VTI1A: variants seen among roughly 807,000 people sequenced by gnomAD.
VTI1A encodes the protein vesicle transport through interaction with t-SNAREs homolog 1A.
VTI1A carries 22 observed loss-of-function variants against 34.9 expected under a neutral mutation model. The observed-to-expected ratio is 0.63, with a 90% CI of 0.45 to 0.90. VTI1A has a LOEUF of 0.90. VTI1A is among the 40% of genes least tolerant of loss of function. VTI1A has a pLI of 0.00. For synonymous variants in VTI1A, 87 were observed against 97.3 expected, an observed-to-expected ratio of 0.89 and a Z score of 0.62; for missense variants, 268 against 275.6, an observed-to-expected ratio of 0.97 and a Z score of 0.20.
intron 7 of VTI1A, among the ~76,000 whole-genome samples, chr10:112,736,130 TATATATATGTAA>T (rs1850458443): frequency 6.9e-6 from 1 of 145,606 alleles, no homozygotes; most frequent in Non-Finnish European, 1.5e-5. Flanking sequence ...TATATATATA[TATATATATGTAA>T]ATGTATAACT....
the VTI1A span, among the ~76,000 whole-genome samples, chr10:112,833,152 T>C: frequency 4.6e-5 from 7 of 152,120 alleles, no homozygotes; most frequent in Admixed American, 6.6e-5. Context: ...CCCATGCTCC[T>C]GACAGACATT....
chr10:112,852,060 C>A, the VTI1A span, among the ~76,000 whole-genome samples: 2 of 152,020 alleles, frequency 1.3e-5, no homozygotes, highest in African/African-American at 2.4e-5. Context: ...CCTTAGCTAC[C>A]AGGAAGCTCT....
At chr10:112,568,271 C>T (rs1283951584) in intron 5 of VTI1A, among the ~76,000 whole-genome samples, 2 of 152,172 alleles carry the variant, frequency 1.3e-5, no homozygotes, top group African/African-American at 4.8e-5. Context: ...CTTTGAGAGG[C>T]CGAGGTGGGC....
rs768545031 is a variant in VTI1A at position 112,748,121 on chromosome 10, C to G, written c.561-67169C>G. Among the ~76,000 whole-genome samples, 64 of 152,222 alleles carry G rather than the reference C, an allele frequency of 4.2e-4. No individual in the cohort carries two copies. The Middle Eastern group carries it at 0.017, about 40-fold the overall frequency. On this transcript the variant is annotated intron_variant, in intron 7 of 7. Transcript: ENST00000393077. Reference sequence around the variant, plus strand: ...TCAGCTAATCTTGGTGGAGCCAGCACTAGGATTCCTGACAAGAGACCCCTT... The same window carrying G: ...TCAGCTAATCTTGGTGGAGCCAGCAGTAGGATTCCTGACAAGAGACCCCTT...
At chr10:112,796,641 A>G (rs896051064) in intron 7 of VTI1A, among the ~76,000 whole-genome samples, 1 of 152,194 alleles carries the variant, frequency 6.6e-6, no homozygotes, top group African/African-American at 2.4e-5. Flanking sequence ...TGGTGTGGGC[A>G]AGTCCTTGGA....
intron 7 of VTI1A, among the ~76,000 whole-genome samples, chr10:112,739,284 C>G (rs1187755660): frequency 6.6e-6 from 1 of 152,282 alleles, no homozygotes; most frequent in South Asian, 2.1e-4. Context: ...TCCCAATATC[C>G]TCCCAGCTCA....
intron 4 of VTI1A, among the ~76,000 whole-genome samples, chr10:112,530,822 A>G (rs1850395165): frequency 6.6e-6 from 1 of 152,130 alleles, no homozygotes; most frequent in South Asian, 2.1e-4. Flanking sequence ...ATCATTTCAT[A>G]TAGCCCTGGC....
chr10:112,706,718 C>G (rs144813704), intron 7 of VTI1A, among the ~76,000 whole-genome samples: 4 of 152,280 alleles, frequency 2.6e-5, no homozygotes, highest in African/African-American at 9.6e-5. Context: ...TACATGCACT[C>G]AAGAAACCTG....
chr10:112,450,391 A>G (rs1847193176), intron 1 of VTI1A: 1 of 152,242 alleles, frequency 6.6e-6, no homozygotes, highest in Non-Finnish European at 1.5e-5. Context: ...ACAAGTAATT[A>G]TAATCTCTCT....
At chr10:112,789,681 C>T (rs938803512) in intron 7 of VTI1A, among the ~76,000 whole-genome samples, 4 of 151,998 alleles carry the variant, frequency 2.6e-5, no homozygotes, top group African/African-American at 9.7e-5. Context: ...GTTCATAATT[C>T]CTCTTCATTT....
chr10:112,728,410 G>A (rs923425063), intron 7 of VTI1A, among the ~76,000 whole-genome samples: 11 of 152,142 alleles, frequency 7.2e-5, no homozygotes, highest in Non-Finnish European at 1.0e-4. Context: ...AACACAGGCC[G>A]TTTGCCCTAT....
At chr10:112,685,997 C>A (rs1848395439) in intron 7 of VTI1A, among the ~76,000 whole-genome samples, 1 of 152,188 alleles carries the variant, frequency 6.6e-6, no homozygotes, top group Non-Finnish European at 1.5e-5. Context: ...TGCATGATGC[C>A]ATACCTTCTC....
intron 3 of VTI1A, among the ~76,000 whole-genome samples, chr10:112,482,808 A>G (rs1001131610): frequency 2.8e-4 from 42 of 152,296 alleles, no homozygotes; most frequent in African/African-American, 1.0e-3. Context: ...ATCTTTTTAC[A>G]TAGGGATGAC....
intron 7 of VTI1A, among the ~76,000 whole-genome samples, chr10:112,722,142 A>G (rs530201302): frequency 2.0e-5 from 3 of 152,326 alleles, no homozygotes; most frequent in Non-Finnish European, 2.9e-5. Flanking sequence ...AAAGTAACCA[A>G]ATTTATCAAC....
chr10:112,496,645 C>A (rs1395353722), intron 3 of VTI1A, among the ~76,000 whole-genome samples: 1 of 151,976 alleles, frequency 6.6e-6, no homozygotes, highest in Non-Finnish European at 1.5e-5. Context: ...GTTTTAGGTT[C>A]ATTTCACTTA....
At chr10:112,562,723 G>A (rs1272733457) in intron 5 of VTI1A, among the ~76,000 whole-genome samples, 1 of 152,036 alleles carries the variant, frequency 6.6e-6, no homozygotes, top group Non-Finnish European at 1.5e-5. Context: ...GAGGGAAAAG[G>A]TGGAATTTGA....
chr10:112,462,955 C>T (rs923362683), intron 2 of VTI1A, among the ~76,000 whole-genome samples: 16 of 151,720 alleles, frequency 1.1e-4, no homozygotes, highest in Non-Finnish European at 1.8e-4. Flanking sequence ...GACGGAGTCT[C>T]GCTCCATCGC....
chr10:112,603,205 A>G (rs1276226989), intron 5 of VTI1A, among the ~76,000 whole-genome samples: 1 of 152,236 alleles, frequency 6.6e-6, no homozygotes, highest in Non-Finnish European at 1.5e-5. Context: ...TGGCATTGAA[A>G]TTGCAAGCAT....
intron 7 of VTI1A, among the ~76,000 whole-genome samples, chr10:112,789,139 T>G (rs1852383908): frequency 6.6e-6 from 1 of 152,234 alleles, no homozygotes. Flanking sequence ...CCAGTGTTCT[T>G]ATTTCCTTCC....
Sources: gnomAD v4.1 joint callset for allele counts (sites outside exome capture counted in the v4.1 genomes callset) on GRCh38, gnomAD v4.1.1 for gene constraint, MANE v1.5 for transcripts, NCBI Gene and HGNC (gene_info 2026-07-23, HGNC 2026-07-21) for gene names.